The following PRKD1 variants were observed in gnomAD, a reference collection of about 807,000 sequenced individuals.
PRKD1 encodes serine/threonine-protein kinase D1.
Under a neutral mutation model 95.9 loss-of-function variants are expected in PRKD1, and 63 were observed. That is an observed-to-expected ratio of 0.66 (90% CI 0.54 to 0.81). PRKD1 has a LOEUF of 0.81. Ranked by LOEUF, PRKD1 falls within the 30% of genes least tolerant of loss-of-function variation. The pLI, the probability that PRKD1 is intolerant of heterozygous loss-of-function variation, is 0.00. For synonymous variants in PRKD1, 425 were observed against 423.1 expected (o/e 1.00, Z -0.05); for missense variants, 1,048 against 1,165.3 (o/e 0.90, Z 1.47).
chr14:29,693,391 G>A (rs1263073437), intron 2 of PRKD1, among the ~76,000 whole-genome samples: 1 of 151,802 alleles, frequency 6.6e-6, no homozygotes, highest in Admixed American at 6.6e-5. Context: ...TTCCCTAGAG[G>A]CGTAAAAAAT....
chr14:29,826,780 TACATATATAC>T (rs1566622816), intron 1 of PRKD1, among the ~76,000 whole-genome samples: 2,891 of 40,066 alleles, frequency 0.072, 538 homozygotes, highest in Admixed American at 0.093. Flanking sequence ...CACATATATA[TACATATATAC>T]ACATATATAT....
chr14:29,711,477 C>T (rs1455736180), intron 2 of PRKD1, among the ~76,000 whole-genome samples: 2 of 152,102 alleles, frequency 1.3e-5, no homozygotes, highest in Non-Finnish European at 2.9e-5. Context: ...GTTTCTTTTC[C>T]TTCATTGGTG....
chr14:29,833,769 C>T (rs549716027), intron 1 of PRKD1, among the ~76,000 whole-genome samples: 24 of 152,048 alleles, frequency 1.6e-4, no homozygotes, highest in African/African-American at 4.8e-4. Flanking sequence ...TCTTCCTATA[C>T]AATGAAATTG....
chr14:29,760,349 CTT>C (rs36093531), intron 1 of PRKD1, among the ~76,000 whole-genome samples: 13 of 114,140 alleles, frequency 1.1e-4, no homozygotes, highest in Admixed American at 8.1e-4. Context: ...ATTTTCTCAA[CTT>C]TTTTTTTTTT....
intron 16 of PRKD1, among the ~76,000 whole-genome samples, chr14:29,581,689 G>A (rs1467080433): frequency 6.6e-5 from 10 of 152,112 alleles, no homozygotes; most frequent in African/African-American, 2.4e-4. Context: ...TCTTAGTTAT[G>A]TTTCCACCAC....
At chr14:29,742,983 G>A (rs1312503390) in intron 1 of PRKD1, among the ~76,000 whole-genome samples, 1 of 152,158 alleles carries the variant, frequency 6.6e-6, no homozygotes, top group East Asian at 1.9e-4. Flanking sequence ...GATTGTCACA[G>A]TCAATCCCCA....
At chr14:29,725,713 T>C (rs1419874287) in intron 1 of PRKD1, 39 bp from the exon 2 acceptor site, 3 of 1,590,242 alleles carry the variant, frequency 1.9e-6, no homozygotes, top group Non-Finnish European at 2.6e-6. Flanking sequence ...AATGTCAAAA[T>C]CCTTCCAAAT....
intron 1 of PRKD1, among the ~76,000 whole-genome samples, chr14:29,818,112 C>A (rs1237583743): frequency 6.6e-6 from 1 of 152,104 alleles, no homozygotes; most frequent in African/African-American, 2.4e-5. Context: ...TACTGAGCAC[C>A]CTATGGTGTG....
At chr14:29,700,462 C>T (rs1350361202) in intron 2 of PRKD1, among the ~76,000 whole-genome samples, 1 of 152,160 alleles carries the variant, frequency 6.6e-6, no homozygotes, top group Non-Finnish European at 1.5e-5. Context: ...AGCCTAATCA[C>T]TTCTGCTCCT....
chr14:29,599,277 A>G (rs932200744), intron 14 of PRKD1, 152 bp from the exon 15 acceptor site: 6 of 694,270 alleles, frequency 8.6e-6, no homozygotes, highest in African/African-American at 3.6e-5. Flanking sequence ...ATAGGTTTCT[A>G]AAGAAATTTC....
chr14:29,675,978 G>A (rs546400542), intron 2 of PRKD1, among the ~76,000 whole-genome samples: 14 of 115,620 alleles, frequency 1.2e-4, no homozygotes, highest in South Asian at 7.4e-4. Context: ...GGGGCCTGTC[G>A]TGGGGTGGGG....
At chr14:29,825,125 TG>T (rs1891059643) in intron 1 of PRKD1, among the ~76,000 whole-genome samples, 1 of 152,080 alleles carries the variant, frequency 6.6e-6, no homozygotes, top group South Asian at 2.1e-4. Flanking sequence ...TTTTCCTTAA[TG>T]TGGAATTCAA....
chr14:29,728,200 A>G (rs960913686), intron 1 of PRKD1, among the ~76,000 whole-genome samples: 1 of 152,220 alleles, frequency 6.6e-6, no homozygotes, highest in Non-Finnish European at 1.5e-5. Flanking sequence ...CTATTACAGC[A>G]CAAGGAAACA....
At chr14:29,587,593 T>C (rs1403542632) in intron 16 of PRKD1, among the ~76,000 whole-genome samples, 1 of 152,216 alleles carries the variant, frequency 6.6e-6, no homozygotes, top group African/African-American at 2.4e-5. Context: ...CTTCTCTCTA[T>C]AAATATCATT....
At chr14:29,880,618 C>A (rs1347480185) in intron 1 of PRKD1, among the ~76,000 whole-genome samples, 1 of 152,010 alleles carries the variant, frequency 6.6e-6, no homozygotes, top group Non-Finnish European at 1.5e-5. Flanking sequence ...CTTCCAGACC[C>A]CAGAATGGTA....
chr14:29,754,613 T>A (rs889898565), intron 1 of PRKD1, among the ~76,000 whole-genome samples: 4 of 152,144 alleles, frequency 2.6e-5, no homozygotes, highest in Middle Eastern at 3.2e-3. Context: ...TTTAACTCTT[T>A]ATCATATATA....
chr14:29,654,463 T>A (rs1881718866), intron 4 of PRKD1, among the ~76,000 whole-genome samples: 1 of 152,208 alleles, frequency 6.6e-6, no homozygotes, highest in Non-Finnish European at 1.5e-5. Context: ...TGTGAGCCAC[T>A]GTGCTTGGCC....
At chr14:29,648,628 C>T (rs1881289786) in intron 4 of PRKD1, among the ~76,000 whole-genome samples, 1 of 152,070 alleles carries the variant, frequency 6.6e-6, no homozygotes, top group African/African-American at 2.4e-5. Context: ...CATGTGCTGG[C>T]CTCACAAAGT....
rs771763458 is a variant in PRKD1 at position 29,630,908 on chromosome 14, A to G, written c.1506T>C (p.Tyr502=). Residue 502 remains tyrosine (Y), a synonymous_variant, in exon 10 of 18, where the codon TAT becomes TAC. Coordinates refer to ENST00000331968, the MANE Select transcript of PRKD1 (RefSeq NM_002742.3). ...AAGGATTGACCACATTTTCTCCCAC[A>G]TAATACACTACATTTGCCGTAGTGA... The part of the protein sequence containing the change: ...FEITTANVVY[Y]VGENVVNPSS... 4.3e-6 allele frequency: 7 copies of G among 1,614,050 alleles called. No homozygotes were observed. In the Admixed American group the frequency reaches 5.0e-5, roughly 12 times the overall value.
Sources: gnomAD v4.1 joint callset for allele counts (sites outside exome capture counted in the v4.1 genomes callset) on GRCh38, gnomAD v4.1.1 for gene constraint, MANE v1.5 for transcripts, NCBI Gene and HGNC (gene_info 2026-07-23, HGNC 2026-07-21) for gene names.